Variants in ARK2C observed in about 807,000 individuals in gnomAD.
ARK2C encodes the protein arkadia (RNF111) C-terminal like ring finger ubiquitin ligase 2C, also known as E3 ubiquitin-protein ligase ARK2C.
the ARK2C span, among the ~76,000 whole-genome samples, chr18:46,373,354 T>C: frequency 6.6e-6 from 1 of 152,212 alleles, no homozygotes; most frequent in Non-Finnish European, 1.5e-5. Flanking sequence ...TTGACAGTCA[T>C]CTGGAAGGCG....
chr18:46,374,462 T>C, the ARK2C span, among the ~76,000 whole-genome samples: 1 of 152,022 alleles, frequency 6.6e-6, no homozygotes, highest in Admixed American at 6.5e-5. Flanking sequence ...CCACTTTCTG[T>C]CTCTGTGAAT....
chr18:46,371,582 T>A, the ARK2C span, among the ~76,000 whole-genome samples: 1 of 152,240 alleles, frequency 6.6e-6, no homozygotes, highest in Admixed American at 6.5e-5. Context: ...GATGATATCC[T>A]GGGCATGAAG....
chr18:46,450,954 G>T, the ARK2C span, among the ~76,000 whole-genome samples: 1 of 152,116 alleles, frequency 6.6e-6, no homozygotes, highest in Non-Finnish European at 1.5e-5. Context: ...ACTTCCCAGG[G>T]TCATGTTACT....
the ARK2C span, among the ~76,000 whole-genome samples, chr18:46,372,827 C>A: frequency 6.6e-6 from 1 of 152,244 alleles, no homozygotes; most frequent in Non-Finnish European, 1.5e-5. Flanking sequence ...AACCACACTG[C>A]GGTGCTATTA....
chr18:46,344,125 C>A, the ARK2C span, among the ~76,000 whole-genome samples: 1 of 152,206 alleles, frequency 6.6e-6, no homozygotes, highest in South Asian at 2.1e-4. Flanking sequence ...CACTGTATCC[C>A]TTAGATCTAA....
the ARK2C span, among the ~76,000 whole-genome samples, chr18:46,425,864 A>T: frequency 6.6e-6 from 1 of 152,110 alleles, no homozygotes; most frequent in African/African-American, 2.4e-5. Flanking sequence ...GAAATGCACT[A>T]ATCACAGTTC....
At chr18:46,369,445 G>A in the ARK2C span, among the ~76,000 whole-genome samples, 2 of 152,136 alleles carry the variant, frequency 1.3e-5, no homozygotes, top group South Asian at 2.1e-4. Flanking sequence ...GGAAGAAGAG[G>A]TGAGACAGGC....
the ARK2C span, among the ~76,000 whole-genome samples, chr18:46,360,581 C>T: frequency 2.0e-5 from 3 of 152,222 alleles, no homozygotes; most frequent in Admixed American, 1.3e-4. Flanking sequence ...CTCTCTTCTC[C>T]TCTCCTCTTT....
chr18:46,352,736 C>T, the ARK2C span, among the ~76,000 whole-genome samples: 12 of 152,208 alleles, frequency 7.9e-5, no homozygotes, highest in African/African-American at 1.2e-4. Flanking sequence ...ATTGGCTAAA[C>T]TGGGTCACGT....
the ARK2C span, chr18:46,435,497 G>A: frequency 9.8e-6 from 9 of 916,278 alleles, no homozygotes; most frequent in Middle Eastern, 2.1e-4. Context: ...TTTGAATGGC[G>A]CAGGAGGCCT....
chr18:46,356,988 A>G, the ARK2C span, among the ~76,000 whole-genome samples: 3 of 151,980 alleles, frequency 2.0e-5, no homozygotes, highest in Admixed American at 6.6e-5. Flanking sequence ...GCTTTGTCCA[A>G]CTCCCACACC....
the ARK2C span, chr18:46,386,332 G>T: frequency 6.6e-6 from 1 of 152,176 alleles, no homozygotes; most frequent in East Asian, 1.9e-4. Context: ...CAAATCTGAT[G>T]GCTTACCAGG....
At chr18:46,410,232 C>G in the ARK2C span, among the ~76,000 whole-genome samples, 1 of 152,242 alleles carries the variant, frequency 6.6e-6, no homozygotes, top group South Asian at 2.1e-4. Flanking sequence ...TCTTGCACCT[C>G]AGCTCTGCTG....
chr18:46,445,205 G>A, the ARK2C span, among the ~76,000 whole-genome samples: 1 of 152,080 alleles, frequency 6.6e-6, no homozygotes, highest in African/African-American at 2.4e-5. Context: ...TTCTGGTAAG[G>A]AGCACTTGCA....
the ARK2C span, among the ~76,000 whole-genome samples, chr18:46,439,409 C>T: frequency 2.6e-5 from 4 of 152,166 alleles, no homozygotes; most frequent in African/African-American, 9.7e-5. Context: ...TCCCATGCCT[C>T]CTGCCATCTC....
At chr18:46,363,945 CTT>C in the ARK2C span, among the ~76,000 whole-genome samples, 6 of 125,550 alleles carry the variant, frequency 4.8e-5, no homozygotes, top group Non-Finnish European at 8.4e-5. Context: ...TTTTTCTTTT[CTT>C]TTTTTTTTTT....
the ARK2C span, among the ~76,000 whole-genome samples, chr18:46,379,979 G>T: frequency 9.8e-5 from 15 of 152,356 alleles, no homozygotes; most frequent in African/African-American, 3.6e-4. Flanking sequence ...CGTCAGAGAA[G>T]AGATGAGGCT....
chr18:46,397,404 G>A, the ARK2C span, among the ~76,000 whole-genome samples: 1 of 150,734 alleles, frequency 6.6e-6, no homozygotes, highest in Admixed American at 6.6e-5. Context: ...GAGGTGTGAG[G>A]GTGTGTGTGC....
At chr18:46,446,670 C>CAAAAAAAAAAAAAAAAAAAAA in the ARK2C span, among the ~76,000 whole-genome samples, 1 of 34,396 alleles carries the variant, frequency 2.9e-5, no homozygotes, top group Non-Finnish European at 5.2e-5. Flanking sequence ...GACTCCATCT[C>CAAAAAAAAAAAAAAAAAAAAA]AAAAAAAAAA....
Sources: allele counts gnomAD v4.1 joint callset (sites outside exome capture counted in the v4.1 genomes callset), GRCh38; gene constraint gnomAD v4.1.1; transcripts MANE v1.5; gene names NCBI Gene and HGNC (gene_info 2026-07-23, HGNC 2026-07-21).